FGD6: variants seen among roughly 807,000 people sequenced by gnomAD.
FGD6 encodes FYVE, RhoGEF and PH domain-containing protein 6.
In FGD6, 90 loss-of-function variants were observed where a neutral mutation model predicts 149.4. The ratio of observed to expected loss-of-function variants is 0.60; its 90% CI spans 0.51 to 0.72. FGD6 has a LOEUF of 0.72. Among genes scored for constraint, FGD6 ranks in the 30% least tolerant of loss-of-function variants. The pLI, the probability that FGD6 is intolerant of heterozygous loss-of-function variation, is 0.00. For missense variants in FGD6, 1,437 were observed against 1,684.8 expected (o/e 0.85, Z 2.57); for synonymous variants, 527 against 584.0 (o/e 0.90, Z 1.41).
chr12:95,107,704 T>C, intron 11 of FGD6, 73 bp from the exon 12 acceptor site: 2 of 1,526,298 alleles, frequency 1.3e-6, no homozygotes, highest in South Asian at 1.1e-5. Context: ...CCTTTTCAAC[T>C]TTCTTCCCTG....
Position 95,197,352 on chromosome 12 carries a change from C to T in FGD6, c.2441+11491G>A, listed in dbSNP as rs556498610. The stretch of plus-strand genomic sequence containing the variant: ...ACTCAGGAGGCTGAGGCAGAAGAAT[C>T]GCTTGAACCTGGGAGGTGGAGGCTG... On this transcript the variant is annotated intron_variant, in intron 2 of 20. Coordinates refer to ENST00000343958, the MANE Select transcript of FGD6 (RefSeq NM_018351.4). Among the ~76,000 whole-genome samples the T allele has an allele frequency of 7.9e-5, 12 of 152,170 alleles. No homozygotes were observed. The South Asian group carries it at 1.9e-3, about 24-fold the overall frequency.
intron 8 of FGD6, among the ~76,000 whole-genome samples, chr12:95,121,159 G>A (rs1163621071): frequency 6.6e-6 from 1 of 151,860 alleles, no homozygotes; most frequent in Admixed American, 6.6e-5. Flanking sequence ...TCATTTACAG[G>A]CTGGCTGCTG....
In FGD6 at chr12:95,209,931, T is replaced by C. The variant is rs537543841; in HGVS notation, c.1353A>G (p.Val451=). Residue 451 remains valine (V), a synonymous_variant, in exon 2 of 21, where the codon GTA becomes GTG. Coordinates refer to ENST00000343958, the MANE Select transcript of FGD6 (RefSeq NM_018351.4). ...TGAGCTGCTTAGGCAGGCTCATAGA[T>C]ACAGTACATCTTATAAAACCGGTCC... ...DEGTGFIRCT[V]SMSLPKQLKL... 8 of 1,613,386 alleles carry C rather than the reference T, an allele frequency of 5.0e-6. No individual in the cohort carries two copies. The South Asian group carries it at 7.7e-5, about 16-fold the overall frequency.
At chr12:95,112,456 C>T (rs1250310091) in intron 9 of FGD6, among the ~76,000 whole-genome samples, 4 of 150,826 alleles carry the variant, frequency 2.7e-5, no homozygotes, top group South Asian at 2.1e-4. Flanking sequence ...AAAAATCAGC[C>T]GGGCATGGTG....
intron 20 of FGD6, among the ~76,000 whole-genome samples, chr12:95,083,020 T>TACACACACAC: frequency 1.4e-5 from 1 of 73,314 alleles, no homozygotes; most frequent in South Asian, 5.0e-4. Context: ...AAAATATATA[T>TACACACACAC]ATATATATAT....
rs754945627 is a variant in FGD6 at position 95,153,912 on chromosome 12, C to CGTGTGTGT, written c.2587-927_2587-920dup. On this transcript the variant is annotated intron_variant, in intron 3 of 20. Transcript: ENST00000343958. ...TATGCTAAGGAGCTGAAATGAAATT[C>CGTGTGTGT]GTGTGTGTGTGTGTGTGTGTGTGTG... Among the ~76,000 whole-genome samples the CGTGTGTGT allele has an allele frequency of 7.6e-3, 1,071 of 141,372 alleles. 8 individuals carry two copies. Among genetic ancestry groups the CGTGTGTGT allele is most frequent in the African/African-American group, 0.018 (690 of 37,304 alleles). 92.7% of individuals were successfully genotyped at this position (141,372 alleles called of 152,430 possible).
intron 2 of FGD6, among the ~76,000 whole-genome samples, chr12:95,192,628 A>G (rs12368369): frequency 0.13 from 19,385 of 152,204 alleles, 1,622 homozygotes; most frequent in Admixed American, 0.23. Context: ...ATAAGCAAAC[A>G]AGTAGATAAT....
At chr12:95,177,995 G>A (rs2136286457) in intron 2 of FGD6, among the ~76,000 whole-genome samples, 1 of 151,352 alleles carries the variant, frequency 6.6e-6, no homozygotes, top group African/African-American at 2.4e-5. Flanking sequence ...TGAACTCCTG[G>A]CCTCAAATGA....
chr12:95,129,693 G>T (rs530941721), intron 8 of FGD6, among the ~76,000 whole-genome samples: 4 of 152,216 alleles, frequency 2.6e-5, no homozygotes, highest in African/African-American at 9.6e-5. Flanking sequence ...TTTTTTCTGA[G>T]ACAGAGTCTT....
At chr12:95,118,106 T>C (rs932105956) in intron 8 of FGD6, among the ~76,000 whole-genome samples, 11 of 152,024 alleles carry the variant, frequency 7.2e-5, no homozygotes, top group Admixed American at 2.0e-4. Flanking sequence ...ATCCCAGTAC[T>C]TTGGGAGGCT....
At position 95,172,763 on chromosome 12, in the gene FGD6, A is replaced by G. The variant is rs1881030712; in HGVS notation, c.2442-19T>C. Reference sequence around the variant, plus strand: ...TCCTGAACTGCATTCAACAGAAAGCAGGTATTAGTCACCTTCAATAATAAG... The same window carrying G: ...TCCTGAACTGCATTCAACAGAAAGCGGGTATTAGTCACCTTCAATAATAAG... On this transcript the variant is annotated intron_variant, in intron 2 of 20. Transcript: ENST00000343958. The G allele has an allele frequency of 6.4e-7, 1 of 1,562,352 alleles. No homozygotes were observed. Among genetic ancestry groups the G allele is most frequent in the Non-Finnish European group, 8.7e-7 (1 of 1,149,684 alleles).
At chr12:95,177,893 TCA>T (rs1279303839) in intron 2 of FGD6, among the ~76,000 whole-genome samples, 1 of 132,874 alleles carries the variant, frequency 7.5e-6, no homozygotes, top group Non-Finnish European at 1.6e-5. Flanking sequence ...ATGAATCAAA[TCA>T]ATTTTAAACA....
chr12:95,079,836 C>G lies in FGD6; in HGVS notation c.*1684G>C, dbSNP rs1469021272. The G allele has an allele frequency of 6.6e-6, 1 of 151,982 alleles. No homozygotes were observed. The highest frequency in any genetic ancestry group is 6.6e-5 in the Admixed American group (1 of 15,232). The allele number at this position is 151,982 out of a possible 1,614,324, so 9.4% of individuals were successfully genotyped here. ...CCCCAGAAAGGCACTCAGTAATCCTCATGGTTGCTGTTAAGGATCACACTG... is the reference window on the plus strand; with the variant it reads ...CCCCAGAAAGGCACTCAGTAATCCTGATGGTTGCTGTTAAGGATCACACTG... On this transcript the variant is annotated 3_prime_UTR_variant, in exon 21 of 21. Transcript: ENST00000343958.
intron 2 of FGD6, among the ~76,000 whole-genome samples, chr12:95,196,970 T>A (rs1881750193): frequency 6.6e-6 from 1 of 152,010 alleles, no homozygotes; most frequent in South Asian, 2.1e-4. Flanking sequence ...CAAAGAGGCA[T>A]CTCAATCCGT....
intron 13 of FGD6, among the ~76,000 whole-genome samples, chr12:95,105,622 A>G (rs543679117): frequency 2.6e-5 from 4 of 152,214 alleles, no homozygotes; most frequent in Non-Finnish European, 5.9e-5. Context: ...ACTTATCTTC[A>G]TATCTTCCAC....
At chr12:95,100,054 ATCCC>A (rs760600421) in intron 14 of FGD6, among the ~76,000 whole-genome samples, 5 of 15,430 alleles carry the variant, frequency 3.2e-4, no homozygotes, top group Non-Finnish European at 4.1e-4. Flanking sequence ...AACTTTTCTG[ATCCC>A]CCCCCCCCCC....
intron 2 of FGD6, among the ~76,000 whole-genome samples, chr12:95,177,889 C>T (rs971765312): frequency 7.1e-6 from 1 of 140,690 alleles, no homozygotes; most frequent in Non-Finnish European, 1.5e-5. Flanking sequence ...AACCATGAAT[C>T]AAATCAATTT....
intron 2 of FGD6, among the ~76,000 whole-genome samples, chr12:95,198,504 A>C (rs529597413): frequency 1.1e-3 from 174 of 152,140 alleles, no homozygotes; most frequent in African/African-American, 4.1e-3. Context: ...CAGTGGCGCT[A>C]TCTCTGCTCA....
At chr12:95,148,556 A>G (rs922907872) in intron 5 of FGD6, among the ~76,000 whole-genome samples, 5 of 90,292 alleles carry the variant, frequency 5.5e-5, no homozygotes, top group African/African-American at 2.0e-4. Flanking sequence ...ATTATATTAT[A>G]TATTATATAT....
Sources: allele counts gnomAD v4.1 joint callset (sites outside exome capture counted in the v4.1 genomes callset), GRCh38; gene constraint gnomAD v4.1.1; transcripts MANE v1.5; gene names NCBI Gene and HGNC (gene_info 2026-07-23, HGNC 2026-07-21).